The following L3HYPDH variants were observed in gnomAD, a reference collection of about 807,000 sequenced individuals.
L3HYPDH encodes the protein trans-L-3-hydroxyproline dehydratase.
A neutral mutation model predicts 26.5 loss-of-function variants in L3HYPDH; 32 were observed. The observed-to-expected ratio is 1.21, with a 90% CI of 0.91 to 1.62. The LOEUF is 1.62. L3HYPDH is among the 40% of genes most tolerant of loss of function. L3HYPDH has a pLI of 0.00. For synonymous variants in L3HYPDH, 215 were observed against 196.6 expected (o/e 1.09, Z -0.78); for missense variants, 554 against 476.4 (o/e 1.16, Z -1.52).
the L3HYPDH span, among the ~76,000 whole-genome samples, chr14:59,500,366 A>G: frequency 6.6e-6 from 1 of 152,238 alleles, no homozygotes; most frequent in Non-Finnish European, 1.5e-5. Flanking sequence ...GTCATTTACA[A>G]ATAATGTATG....
At chr14:59,496,023 C>T in the L3HYPDH span, among the ~76,000 whole-genome samples, 3 of 152,214 alleles carry the variant, frequency 2.0e-5, no homozygotes, top group Admixed American at 2.0e-4. Context: ...TGTGCCTCAG[C>T]CTCCCAAGTA....
intron 4 of L3HYPDH, among the ~76,000 whole-genome samples, chr14:59,473,603 G>A (rs1483024714): frequency 6.6e-6 from 1 of 152,196 alleles, no homozygotes; most frequent in African/African-American, 2.4e-5. Context: ...TTAACAAGGT[G>A]AGTTTGAGAC....
chr14:59,496,356 T>C, the L3HYPDH span, among the ~76,000 whole-genome samples: 5 of 151,756 alleles, frequency 3.3e-5, no homozygotes, highest in East Asian at 9.7e-4. Flanking sequence ...TTAATTACCC[T>C]CTTGTCATAT....
the L3HYPDH span, chr14:59,504,094 A>G: frequency 6.9e-7 from 1 of 1,443,610 alleles, no homozygotes. Context: ...TGAAATGCCA[A>G]AAACCTGAGA....
At position 59,483,944 on chromosome 14, in the gene L3HYPDH, G is replaced by A. The variant is rs35622288; in HGVS notation, c.373C>T (p.Pro125Ser). Residue 125 changes from proline (P) to serine (S), a missense_variant, in exon 1 of 5, where the codon CCT becomes TCT. Coordinates refer to ENST00000247194, the MANE Select transcript of L3HYPDH (RefSeq NM_144581.2). ...ACGCGGGCCTCGCGGGTGCCCGCAG[G>A]GGGCGCCGGCACAAGCCCGAAGTCC... ...ALDFGLVPAP[P>S]AGTREARVNI... is the part of the protein sequence containing the mutation. 2.2e-3 allele frequency: 3,388 copies of A among 1,557,476 alleles called. 49 individuals are homozygous for A. The African/African-American group carries it at 0.041, about 19-fold the overall frequency.
upstream of L3HYPDH, chr14:59,485,833 G>C (rs983443734): frequency 6.6e-6 from 1 of 152,230 alleles, no homozygotes; most frequent in African/African-American, 2.4e-5. Flanking sequence ...GGCCAGGCTG[G>C]TCTGGAACTC....
At chr14:59,495,692 AT>A in the L3HYPDH span, among the ~76,000 whole-genome samples, 1 of 152,200 alleles carries the variant, frequency 6.6e-6, no homozygotes, top group Non-Finnish European at 1.5e-5. Context: ...AATCAAATTC[AT>A]TTTGATATTT....
the L3HYPDH span, among the ~76,000 whole-genome samples, chr14:59,498,002 A>G: frequency 6.6e-6 from 1 of 152,224 alleles, no homozygotes. Context: ...ATAAAGTGCT[A>G]GAAATCTGGT....
At chr14:59,503,873 T>A in the L3HYPDH span, 3 of 1,611,044 alleles carry the variant, frequency 1.9e-6, no homozygotes, top group African/African-American at 1.3e-5. Context: ...GATCTTCTGG[T>A]CAGAAAGAAA....
the L3HYPDH span, chr14:59,501,101 C>T: frequency 1.2e-6 from 1 of 826,574 alleles, no homozygotes; most frequent in Admixed American, 2.4e-5. Context: ...AAGGATTTGA[C>T]TCTAAGGAAA....
chr14:59,478,833 G>A (rs1379695579), intron 2 of L3HYPDH: 1 of 179,896 alleles, frequency 5.6e-6, no homozygotes, highest in Non-Finnish European at 1.1e-5. Flanking sequence ...CCAATCTTTT[G>A]GCTTCTCTGG....
At chr14:59,493,832 C>A in the L3HYPDH span, among the ~76,000 whole-genome samples, 94 of 152,246 alleles carry the variant, frequency 6.2e-4, no homozygotes, top group African/African-American at 2.1e-3. Context: ...TCATATTATT[C>A]TTCTGGCTCA....
intron 1 of L3HYPDH, among the ~76,000 whole-genome samples, chr14:59,481,125 G>C (rs2139826065): frequency 6.6e-6 from 1 of 152,316 alleles, no homozygotes; most frequent in East Asian, 1.9e-4. Context: ...AGGGTGGGCA[G>C]TTGGGTAGGG....
chr14:59,484,342 G>A lies in L3HYPDH; in HGVS notation c.-26C>T, dbSNP rs374659560. 5.8e-6 allele frequency: 9 copies of A among 1,556,634 alleles called. No homozygotes were observed. The highest frequency in any genetic ancestry group is 2.3e-5 in the East Asian group (1 of 44,438). On this transcript the variant is annotated 5_prime_UTR_variant, in exon 1 of 5. Transcript: ENST00000247194. ...GGTCTGCGTCGGGGGAGACGAGTACGGTCCCGCAGCTATGGCTTCAAGCCC... is the reference window on the plus strand; with the variant it reads ...GGTCTGCGTCGGGGGAGACGAGTACAGTCCCGCAGCTATGGCTTCAAGCCC...
upstream of L3HYPDH, chr14:59,484,567 C>T: frequency 1.9e-6 from 3 of 1,572,034 alleles, no homozygotes; most frequent in East Asian, 4.7e-5. Context: ...TAGTGCTTCT[C>T]GAAAAAAACC....
chr14:59,502,148 C>G, the L3HYPDH span, among the ~76,000 whole-genome samples: 4 of 152,022 alleles, frequency 2.6e-5, no homozygotes, highest in African/African-American at 7.2e-5. Flanking sequence ...CTGACATTTT[C>G]TTTCTAAAAT....
At chr14:59,496,765 G>A in the L3HYPDH span, among the ~76,000 whole-genome samples, 6 of 152,134 alleles carry the variant, frequency 3.9e-5, no homozygotes, top group Non-Finnish European at 7.4e-5. Context: ...AATCAAGATT[G>A]TTTGTTTTTC....
Position 59,484,289 on chromosome 14 carries a change from G to T in L3HYPDH, c.28C>A (p.Leu10Met). ...GGCGTCCCTGGATCATGCGGGGGCA[G>T]CCGGGGCACCGCCAGCGCGCTCTCC... MESALAVPR[L>M]PPHDPGTPVL... Residue 10 changes from leucine (L) to methionine (M), a missense_variant, in exon 1 of 5, where the codon CTG (leucine) becomes ATG (methionine). Physicochemically the swap from Leu to Met is conservative, Grantham distance 15. Transcript: ENST00000247194. The T allele has an allele frequency of 6.3e-7, 1 of 1,592,856 alleles. No individual in the cohort carries two copies. Among genetic ancestry groups the T allele is most frequent in the Non-Finnish European group, 8.5e-7 (1 of 1,176,962 alleles).
chr14:59,471,600 GGTCA>G (rs202062871), downstream of L3HYPDH, among the ~76,000 whole-genome samples: 3,524 of 152,150 alleles, frequency 0.023, 51 homozygotes, highest in Non-Finnish European at 0.032. Context: ...TTCTAAATGA[GGTCA>G]GTGAGTAAAA....
Sources: gnomAD v4.1 joint callset for allele counts (sites outside exome capture counted in the v4.1 genomes callset) on GRCh38, gnomAD v4.1.1 for gene constraint, MANE v1.5 for transcripts, NCBI Gene and HGNC (gene_info 2026-07-23, HGNC 2026-07-21) for gene names.